Variants in ITGA11 observed in about 807,000 individuals in gnomAD.
ITGA11 encodes the protein integrin subunit alpha 11.
A neutral mutation model predicts 141.9 loss-of-function variants in ITGA11; 97 were observed. That is an observed-to-expected ratio of 0.68 (90% CI 0.58 to 0.81). The LOEUF is 0.81. Ranked by LOEUF, ITGA11 falls within the 30% of genes least tolerant of loss-of-function variation. The pLI, the probability that ITGA11 is intolerant of heterozygous loss-of-function variation, is 0.00. For synonymous variants in ITGA11, 658 were observed against 624.6 expected (o/e 1.05, Z -0.80); for missense variants, 1,387 against 1,559.2 (o/e 0.89, Z 1.86).
Position 68,311,073 on chromosome 15 carries a change from G to A in ITGA11, c.3095C>T (p.Thr1032Met), listed in dbSNP as rs759923280. Residue 1032 changes from threonine to methionine, a missense_variant, in exon 26 of 30, where the codon ACG becomes ATG. Physicochemically the swap from Thr to Met is moderately conservative, Grantham distance 81. Coordinates refer to ENST00000315757, the MANE Select transcript of ITGA11 (RefSeq NM_001004439.2). Reference sequence around the variant, plus strand: ...GCTATTGCCCCAGATGTTACAGGACGTGTTCGCCTACATAAAGGACATGGA... The same window carrying A: ...GCTATTGCCCCAGATGTTACAGGACATGTTCGCCTACATAAAGGACATGGA... ...LRDFLTDEAN[T>M]SCNIWGNSTE... 1.5e-5 allele frequency: 24 copies of A among 1,607,010 alleles called. No individual in the cohort carries two copies. The highest frequency in any genetic ancestry group is 6.7e-5 in the South Asian group (6 of 89,560).
chr15:68,303,985 G>T lies in ITGA11; in HGVS notation c.3382-100C>A. On this transcript the variant is annotated intron_variant, in intron 28 of 29. Coordinates refer to ENST00000315757, the MANE Select transcript of ITGA11 (RefSeq NM_001004439.2). This position sits in a 1 kb window ranked among gnomAD's most constrained non-coding sequence, Gnocchi z 5.3. Reference sequence around the variant, plus strand: ...GGTGGAGACAGCTGGCACCTGGTGGGGGAGCTGCATCCTCTTCCTCAGGGG... The same window carrying T: ...GGTGGAGACAGCTGGCACCTGGTGGTGGAGCTGCATCCTCTTCCTCAGGGG... 1.4e-6 allele frequency: 1 copy of T among 702,418 alleles called. No individual in the cohort carries two copies. The highest frequency in any genetic ancestry group is 2.7e-5 in the East Asian group (1 of 36,682). The allele number at this position is 702,418 out of a possible 1,614,324, so 43.5% of individuals were successfully genotyped here.
chr15:68,407,267 C>T (rs1318782228), intron 1 of ITGA11, among the ~76,000 whole-genome samples: 1 of 152,160 alleles, frequency 6.6e-6, no homozygotes, highest in Non-Finnish European at 1.5e-5. Context: ...GAGCCCCAAC[C>T]TCACTGGGGA....
intron 19 of ITGA11, 63 bp from the exon 20 acceptor site, chr15:68,320,455 G>T: frequency 1.4e-6 from 2 of 1,447,038 alleles, no homozygotes; most frequent in Non-Finnish European, 1.9e-6. Context: ...GTAGAGAGGA[G>T]CCCCAGGGTT....
chr15:68,331,969 G>A lies in ITGA11; in HGVS notation c.1660C>T (p.Gln554Ter). ...SSIASVRDLN[Q>*]DSYNDVVVGA... ...ACCACCACGTCATTGTAGGAATCCT[G>A]GTTGAGGTCTCGAACTGAGGCAATG... is the stretch of plus-strand genomic sequence containing the variant. The change falls in exon 14 of 30, where the codon CAG becomes TAG. Residue 554 changes from glutamine to a stop codon, truncating the protein, a stop_gained. Transcript: ENST00000315757. LOFTEE classifies it high-confidence loss of function. The A allele has an allele frequency of 6.2e-7, 1 of 1,613,286 alleles. No individual in the cohort carries two copies. The highest frequency in any genetic ancestry group is 8.5e-7 in the Non-Finnish European group (1 of 1,179,672).
intron 1 of ITGA11, among the ~76,000 whole-genome samples, chr15:68,411,189 C>T (rs563984799): frequency 6.6e-6 from 1 of 152,326 alleles, no homozygotes; most frequent in African/African-American, 2.4e-5. Flanking sequence ...TAAGACTGAG[C>T]AATGTGAGGA....
chr15:68,360,145 C>A (rs546355823), intron 5 of ITGA11, among the ~76,000 whole-genome samples: 84 of 152,324 alleles, frequency 5.5e-4, no homozygotes, highest in African/African-American at 2.0e-3. Context: ...CCTGGCCTGG[C>A]AGAGCCTCAT....
intron 28 of ITGA11, among the ~76,000 whole-genome samples, chr15:68,306,374 C>T (rs1235341088): frequency 1.3e-5 from 2 of 151,992 alleles, no homozygotes; most frequent in Admixed American, 1.3e-4. Context: ...GCCTGTACCA[C>T]ACCTCCCTCT....
intron 4 of ITGA11, among the ~76,000 whole-genome samples, chr15:68,362,616 AGATGGATG>A (rs1420422393): frequency 6.6e-6 from 1 of 152,046 alleles, no homozygotes; most frequent in Non-Finnish European, 1.5e-5. Flanking sequence ...AATGATGTAT[AGATGGATG>A]GATGAATGAT....
At chr15:68,357,924 C>T (rs548955083) in intron 6 of ITGA11, among the ~76,000 whole-genome samples, 2 of 152,304 alleles carry the variant, frequency 1.3e-5, no homozygotes, top group South Asian at 2.1e-4. Context: ...AAGTCCACTC[C>T]CTTTTTAACA....
At chr15:68,367,749 T>C (rs76310515) in intron 3 of ITGA11, among the ~76,000 whole-genome samples, 2,190 of 152,332 alleles carry the variant, frequency 0.014, 54 homozygotes, top group African/African-American at 0.05. Context: ...AGACCTGGAA[T>C]GGATCCTAAG....
At chr15:68,306,325 C>G (rs959909600) in intron 28 of ITGA11, among the ~76,000 whole-genome samples, 58 of 151,466 alleles carry the variant, frequency 3.8e-4, no homozygotes, top group Admixed American at 1.0e-3. Context: ...CTCTCTCTCT[C>G]TGTGTGTGTG....
chr15:68,370,398 C>T (rs1392906675), intron 2 of ITGA11, among the ~76,000 whole-genome samples: 1 of 152,160 alleles, frequency 6.6e-6, no homozygotes, highest in Non-Finnish European at 1.5e-5. Flanking sequence ...CTACCTCAGA[C>T]TGGAGGGTCC....
intron 10 of ITGA11, among the ~76,000 whole-genome samples, chr15:68,345,261 G>T (rs533826861): frequency 2.6e-5 from 4 of 152,248 alleles, no homozygotes; most frequent in African/African-American, 9.6e-5. Context: ...TCTGACCAGG[G>T]ATCCACAGCT....
At position 68,335,626 on chromosome 15, in the gene ITGA11, T is replaced by C. The variant is rs544141300; in HGVS notation, c.1425+71A>G. On this transcript the variant is annotated intron_variant, in intron 12 of 29. Coordinates refer to ENST00000315757, the MANE Select transcript of ITGA11 (RefSeq NM_001004439.2). This position sits in a 1 kb window ranked among gnomAD's most constrained non-coding sequence, Gnocchi z 4.9. ...CCCAGTGGTCCAGGCATGCCTGTAT[T>C]TACTGCCCTCCCATTTGTCTGATCT... 1.2e-5 allele frequency: 19 copies of C among 1,538,728 alleles called. No individual in the cohort carries two copies. The South Asian group carries it at 2.0e-4, about 16-fold the overall frequency.
In ITGA11 at chr15:68,320,393, C is replaced by T; in HGVS notation, c.2409-1G>A. 1.3e-6 allele frequency: 2 copies of T among 1,580,804 alleles called. No homozygotes were observed. Among genetic ancestry groups the T allele is most frequent in the Admixed American group, 1.8e-5 (1 of 54,264 alleles). ...CCTCAGCACCCTCTGGCAGTACTCCCTGAGAACAAGAGACCACCAGAGACT... is the reference window on the plus strand; with the variant it reads ...CCTCAGCACCCTCTGGCAGTACTCCTTGAGAACAAGAGACCACCAGAGACT... On this transcript the variant is annotated splice_acceptor_variant, in intron 19 of 29. Transcript: ENST00000315757. LOFTEE classifies it high-confidence loss of function.
At chr15:68,404,356 T>A (rs1002413729) in intron 1 of ITGA11, among the ~76,000 whole-genome samples, 5 of 152,202 alleles carry the variant, frequency 3.3e-5, no homozygotes, top group African/African-American at 1.2e-4. Flanking sequence ...AAAAGCCCTA[T>A]GACCCTTTCG....
intron 1 of ITGA11, among the ~76,000 whole-genome samples, chr15:68,409,640 G>T (rs1243539868): frequency 2.0e-5 from 3 of 151,690 alleles, no homozygotes; most frequent in Non-Finnish European, 4.4e-5. Context: ...GATTAGGTAG[G>T]TACTGATAGT....
chr15:68,425,619 G>T (rs1369140875), intron 1 of ITGA11, among the ~76,000 whole-genome samples: 3 of 152,202 alleles, frequency 2.0e-5, no homozygotes, highest in Admixed American at 6.5e-5. Context: ...GTCTCAGCAG[G>T]AACTCTGGCC....
rs377369343 is a variant in ITGA11 at position 68,348,842 on chromosome 15, C to T, written c.1119G>A (p.Ser373=). The T allele has an allele frequency of 3.9e-5, 63 of 1,608,266 alleles. No individual in the cohort carries two copies. The highest frequency in any genetic ancestry group is 3.3e-4 in the Middle Eastern group (2 of 6,078). Residue 373 remains serine (S), a synonymous_variant, in exon 10 of 30, where the codon TCG becomes TCA. Transcript: ENST00000315757. The stretch of plus-strand genomic sequence containing the variant: ...CTCCACCACATACCTCCACCACGTG[C>T]GAGGAAAAGCCCGTCTGTGACATCT... The part of the protein sequence containing the change: ...GLEMSQTGFS[S]HVVEDGVLLG...
Sources: gnomAD v4.1 joint callset for allele counts (sites outside exome capture counted in the v4.1 genomes callset) on GRCh38, gnomAD v4.1.1 for gene constraint, Gnocchi (gnomAD v3.1) non-coding constraint, MANE v1.5 for transcripts, NCBI Gene and HGNC (gene_info 2026-07-23, HGNC 2026-07-21) for gene names.